The following GLIS3 variants were observed in gnomAD, a reference collection of about 807,000 sequenced individuals.
GLIS3 encodes GLIS family zinc finger 3.
GLIS3 carries 53 observed loss-of-function variants against 78.6 expected under a neutral mutation model. That is an observed-to-expected ratio of 0.67 (90% confidence interval 0.54 to 0.85). The LOEUF (loss-of-function observed/expected upper bound fraction) is 0.85, where lower values mean the gene tolerates loss of function less well. Among genes scored for constraint, GLIS3 ranks in the 40% least tolerant of loss-of-function variants. The pLI is 0.00. For missense variants in GLIS3, 1,703 were observed against 1,231.1 expected, an observed-to-expected ratio of 1.38 and a Z score of -5.74; for synonymous variants, 684 against 509.9, an observed-to-expected ratio of 1.34 and a Z score of -4.60.
intron 4 of GLIS3, among the ~76,000 whole-genome samples, chr9:4,056,608 G>C (rs570725674): frequency 6.6e-6 from 1 of 152,140 alleles, no homozygotes; most frequent in East Asian, 1.9e-4. Context: ...AAAAAGCAAA[G>C]GGAAGAAAAC....
At chr9:4,185,904 G>C (rs1252152736) in intron 2 of GLIS3, among the ~76,000 whole-genome samples, 1 of 152,214 alleles carries the variant, frequency 6.6e-6, no homozygotes, top group Non-Finnish European at 1.5e-5. Flanking sequence ...GCCTTTCAGG[G>C]AAGAGAGCGA....
chr9:3,967,011 C>CA (rs776900943), intron 4 of GLIS3, among the ~76,000 whole-genome samples: 1,344 of 29,326 alleles, frequency 0.046, 112 homozygotes, highest in African/African-American at 0.087. Flanking sequence ...TTTCTTTCTG[C>CA]AAAAAAAAAA....
chr9:4,203,282 C>T (rs1819568377), intron 2 of GLIS3, among the ~76,000 whole-genome samples: 2 of 152,148 alleles, frequency 1.3e-5, no homozygotes, highest in Admixed American at 6.5e-5. Context: ...GGTAGCATCT[C>T]ACACCAGTCA....
chr9:4,244,724 G>A (rs571482543), intron 2 of GLIS3, among the ~76,000 whole-genome samples: 3 of 152,010 alleles, frequency 2.0e-5, no homozygotes, highest in East Asian at 3.9e-4. Context: ...AGAGGTGTCC[G>A]CCACCACACC....
chr9:4,323,724 T>C (rs1817567976), intron 2 of GLIS3, among the ~76,000 whole-genome samples: 2 of 152,348 alleles, frequency 1.3e-5, no homozygotes, highest in South Asian at 2.1e-4. Flanking sequence ...GATTGGGATC[T>C]GTCTTCTCCA....
chr9:4,110,220 C>G (rs562976216), intron 4 of GLIS3, among the ~76,000 whole-genome samples: 1 of 152,218 alleles, frequency 6.6e-6, no homozygotes, highest in South Asian at 2.1e-4. Flanking sequence ...CCAGGACAAT[C>G]CTGATTTAGA....
intron 4 of GLIS3, among the ~76,000 whole-genome samples, chr9:3,985,919 A>G (rs908999960): frequency 6.6e-6 from 1 of 152,240 alleles, no homozygotes; most frequent in African/African-American, 2.4e-5. Context: ...TTGCTAATCT[A>G]TAAACTACAT....
At chr9:4,408,915 A>G in the GLIS3 span, among the ~76,000 whole-genome samples, 1 of 152,008 alleles carries the variant, frequency 6.6e-6, no homozygotes, top group Non-Finnish European at 1.5e-5. Context: ...TGGGATTACT[A>G]CACACTGCAT....
At chr9:4,026,307 C>T (rs1823344010) in intron 4 of GLIS3, among the ~76,000 whole-genome samples, 1 of 152,140 alleles carries the variant, frequency 6.6e-6, no homozygotes. Context: ...AAACATAGGT[C>T]CATTAATTTT....
intron 5 of GLIS3, chr9:3,933,061 A>G (rs1190560484): frequency 4.5e-6 from 1 of 221,846 alleles, no homozygotes; most frequent in Non-Finnish European, 9.3e-6. Flanking sequence ...CCTGGTGTTG[A>G]GCCTGAGTTA....
the GLIS3 span, among the ~76,000 whole-genome samples, chr9:4,388,133 C>A: frequency 2.6e-5 from 4 of 152,162 alleles, no homozygotes; most frequent in Admixed American, 2.6e-4. Flanking sequence ...ATAAGGTTAT[C>A]CATGCGTAAG....
the GLIS3 span, among the ~76,000 whole-genome samples, chr9:4,374,947 G>A: frequency 1.3e-5 from 2 of 152,152 alleles, no homozygotes; most frequent in Non-Finnish European, 2.9e-5. Context: ...TTATTCTGCA[G>A]CTTGCTATTT....
the GLIS3 span, among the ~76,000 whole-genome samples, chr9:4,467,289 CT>C: frequency 6.6e-6 from 1 of 152,184 alleles, no homozygotes; most frequent in Non-Finnish European, 1.5e-5. Flanking sequence ...AGTGGTGGTT[CT>C]CCCAGCATGG....
chr9:4,092,100 A>G lies in GLIS3; in HGVS notation c.1710+25668T>C, dbSNP rs565984239. ...ACACTTAGGCTACACTAAATCTATT[A>G]AAAATTTTTCTTTCTTTAATAATAA... On this transcript the variant is annotated intron_variant, in intron 4 of 10. Coordinates refer to ENST00000381971, the MANE Select transcript of GLIS3 (RefSeq NM_001042413.2). Among the ~76,000 whole-genome samples the G allele has an allele frequency of 7.2e-5, 11 of 152,186 alleles. No individual in the cohort carries two copies. The South Asian group carries it at 1.0e-3, about 14-fold the overall frequency.
intron 4 of GLIS3, among the ~76,000 whole-genome samples, chr9:4,040,813 C>G (rs532518): frequency 3.9e-5 from 6 of 151,994 alleles, no homozygotes; most frequent in South Asian, 4.1e-4. Flanking sequence ...ACTGGGTCAA[C>G]TGGGTCATTG....
chr9:4,078,865 T>C (rs1170192594), intron 4 of GLIS3, among the ~76,000 whole-genome samples: 2 of 152,172 alleles, frequency 1.3e-5, no homozygotes, highest in Non-Finnish European at 2.9e-5. Flanking sequence ...ATCATCAGAA[T>C]AAGAGAAGTC....
intron 4 of GLIS3, among the ~76,000 whole-genome samples, chr9:4,023,097 A>G (rs1020111127): frequency 1.3e-5 from 2 of 152,176 alleles, no homozygotes; most frequent in African/African-American, 4.8e-5. Flanking sequence ...TTTGAAAACA[A>G]ATTATATAGG....
At chr9:4,331,566 G>C (rs1438551139) in intron 2 of GLIS3, among the ~76,000 whole-genome samples, 1 of 152,154 alleles carries the variant, frequency 6.6e-6, no homozygotes, top group African/African-American at 2.4e-5. Flanking sequence ...TTGACAACCA[G>C]ATAAATAATG....
At chr9:3,831,354 T>A (rs1486206668) in intron 9 of GLIS3, among the ~76,000 whole-genome samples, 3 of 152,146 alleles carry the variant, frequency 2.0e-5, no homozygotes, top group Non-Finnish European at 2.9e-5. Flanking sequence ...ATATAATTGA[T>A]CATCCAATAT....
Sources: gnomAD v4.1 joint callset for allele counts (sites outside exome capture counted in the v4.1 genomes callset) on GRCh38, gnomAD v4.1.1 for gene constraint, MANE v1.5 for transcripts, NCBI Gene and HGNC (gene_info 2026-07-23, HGNC 2026-07-21) for gene names.